Variants in ALPP observed in about 807,000 individuals in gnomAD.
The protein encoded by ALPP is alkaline phosphatase, placental type.
ALPP carries 39 observed loss-of-function variants against 50.7 expected under a neutral mutation model. That is an observed-to-expected ratio of 0.77 (90% confidence interval 0.60 to 1.00). The LOEUF (loss-of-function observed/expected upper bound fraction) is 1.00. Ranked by LOEUF, ALPP falls within the 50% of genes least tolerant of loss-of-function variation. The pLI is 0.00. For synonymous variants in ALPP, 226 were observed against 320.3 expected (o/e 0.71, Z 3.14); for missense variants, 550 against 746.8 (o/e 0.74, Z 3.07).
In ALPP at chr2:232,378,776, T is replaced by G. The variant is rs1696643929; in HGVS notation, c.-27T>G. 1 of 1,609,628 alleles carries G rather than the reference T, an allele frequency of 6.2e-7. No homozygotes were observed. The highest frequency in any genetic ancestry group is 1.7e-5 in the Admixed American group (1 of 59,614). On this transcript the variant is annotated 5_prime_UTR_variant, in exon 1 of 11. Coordinates refer to ENST00000392027, the MANE Select transcript of ALPP (RefSeq NM_001632.5). ...ATACTCCATGCCCAGAATTCCTGCC[T>G]CGCCACTGTCCTGCTGCCCTCCAGA... is the stretch of plus-strand genomic sequence containing the variant.
In ALPP at chr2:232,380,330, G is replaced by T. The variant is rs763339462; in HGVS notation, c.792+10G>T. The stretch of plus-strand genomic sequence containing the variant: ...GCTGGCGAAGCGCCAGGTGATGGGG[G>T]CTGGCGGGTGCAGGGGGCACAGCAG... On this transcript the variant is annotated intron_variant, in intron 6 of 10. Coordinates refer to ENST00000392027, the MANE Select transcript of ALPP (RefSeq NM_001632.5). 2 of 1,613,498 alleles carry T rather than the reference G, an allele frequency of 1.2e-6. No homozygotes were observed. The highest frequency in any genetic ancestry group is 2.2e-5 in the East Asian group (1 of 44,450).
Position 232,379,066 on chromosome 2 carries a change from C to T in ALPP, c.172C>T (p.Leu58Phe). 2 of 1,614,110 alleles carry T rather than the reference C, an allele frequency of 1.2e-6. No individual in the cohort carries two copies. The highest frequency in any genetic ancestry group is 1.1e-5 in the South Asian group (1 of 91,068). The stretch of plus-strand genomic sequence containing the variant: ...GCCTGCACAGACAGCCGCCAAGAAC[C>T]TCATCATCTTCCTGGGCGATGGTGA... ...LQPAQTAAKN[L>F]IIFLGDGMGV... Residue 58 changes from leucine (L) to phenylalanine (F), a missense_variant, in exon 2 of 11, where the codon CTC (leucine) becomes TTC (phenylalanine). Physicochemically the swap from Leu to Phe is conservative, Grantham distance 22. Transcript: ENST00000392027.
In ALPP at chr2:232,379,065, C is replaced by A; in HGVS notation, c.171C>A (p.Asn57Lys). 6.2e-7 allele frequency: 1 copy of A among 1,614,104 alleles called. No individual in the cohort carries two copies. Among genetic ancestry groups the A allele is most frequent in the East Asian group, 2.2e-5 (1 of 44,870 alleles). The change falls in exon 2 of 11, where the codon AAC (asparagine) becomes AAA (lysine). Residue 57 changes from asparagine to lysine, a missense_variant. By Grantham distance (94) the Asn-to-Lys change is moderately conservative (BLOSUM62 0). Coordinates refer to ENST00000392027, the MANE Select transcript of ALPP (RefSeq NM_001632.5). ...AGCCTGCACAGACAGCCGCCAAGAA[C>A]CTCATCATCTTCCTGGGCGATGGTG... ...KLQPAQTAAK[N>K]LIIFLGDGMG...
At position 232,381,619 on chromosome 2, in the gene ALPP, A is replaced by G. The variant is rs1696715537; in HGVS notation, c.1432A>G (p.Thr478Ala). 1 of 1,612,380 alleles carries G rather than the reference A, an allele frequency of 6.2e-7. No homozygotes were observed. Among genetic ancestry groups the G allele is most frequent in the Admixed American group, 1.7e-5 (1 of 59,910 alleles). ...CCTGGTTCACGGCGTGCAGGAGCAGACCTTCATAGCGCACGTCATGGCCTT... is the reference window on the plus strand; with the variant it reads ...CCTGGTTCACGGCGTGCAGGAGCAGGCCTTCATAGCGCACGTCATGGCCTT... Reference protein sequence around the residue: ...AHLVHGVQEQTFIAHVMAFAA... With the variant: ...AHLVHGVQEQAFIAHVMAFAA... Residue 478 changes from threonine (T) to alanine (A), a missense_variant, in exon 11 of 11, where the codon ACC (threonine) becomes GCC (alanine). By Grantham distance (58) the Thr-to-Ala change is moderately conservative. Transcript: ENST00000392027.
At position 232,379,944 on chromosome 2, in the gene ALPP, C is replaced by T. The variant is rs373387017; in HGVS notation, c.657+8C>T. 6.1e-5 allele frequency: 98 copies of T among 1,599,100 alleles called. No homozygotes were observed. The African/African-American group carries it at 1.0e-3, about 16-fold the overall frequency. ...TCCAACATGGACATTGACGTGCGAC[C>T]CCCAGGCCAAGGGCTGGGGCTGGGC... On this transcript the variant is annotated splice_region_variant and intron_variant, in intron 5 of 10. Transcript: ENST00000392027.
At chr2:232,381,459 G>A in intron 10 of ALPP, 38 bp from the exon 11 acceptor site, 1 of 1,612,538 alleles carries the variant, frequency 6.2e-7, no homozygotes, top group Non-Finnish European at 8.5e-7. Flanking sequence ...GCCTGGAACT[G>A]AATGAACCCT....
In ALPP at chr2:232,381,662, C is replaced by T; in HGVS notation, c.1475C>T (p.Pro492Leu). ...HVMAFAACLE[P>L]YTACDLAPPA... Reference sequence around the variant, plus strand: ...ATGGCCTTCGCCGCCTGCCTGGAGCCCTACACCGCCTGCGACCTGGCGCCC... The same window carrying T: ...ATGGCCTTCGCCGCCTGCCTGGAGCTCTACACCGCCTGCGACCTGGCGCCC... Residue 492 changes from proline (P) to leucine (L), a missense_variant, in exon 11 of 11, where the codon CCC becomes CTC. Pro to Leu is a moderately conservative substitution (Grantham distance 98, BLOSUM62 -3). This residue lies in a region of ALPP where 155 missense variants were observed against 167.6 expected (regional missense o/e 0.92). Transcript: ENST00000392027. The T allele has an allele frequency of 1.9e-6, 3 of 1,610,652 alleles. No homozygotes were observed. The highest frequency in any genetic ancestry group is 2.5e-6 in the Non-Finnish European group (3 of 1,178,976).
chr2:232,379,142 C>G, intron 2 of ALPP, 55 bp downstream of exon 2: 4 of 1,614,090 alleles, frequency 2.5e-6, no homozygotes, highest in South Asian at 1.1e-5. Flanking sequence ...GCGCCCGGAC[C>G]CTCAGTGGTT....
In ALPP at chr2:232,381,338, C is replaced by T. The variant is rs772299286; in HGVS notation, c.1280C>T (p.Ala427Val). Residue 427 changes from alanine (A) to valine (V), a missense_variant, in exon 10 of 11, where the codon GCC becomes GTC. Physicochemically the swap from Ala to Val is moderately conservative, Grantham distance 64 (BLOSUM62 0). This residue lies in a region of ALPP where 155 missense variants were observed against 167.6 expected (regional missense o/e 0.92). Transcript: ENST00000392027. ...CCAGGCTATGTGCTCAAGGACGGCG[C>T]CCGGCCGGATGTTACCGAGAGCGAG... ...NGPGYVLKDGARPDVTESESG... is the reference protein window; with the variant it reads ...NGPGYVLKDGVRPDVTESESG... The T allele has an allele frequency of 3.1e-6, 5 of 1,614,200 alleles. No homozygotes were observed. The South Asian group carries it at 3.3e-5, about 11-fold the overall frequency.
chr2:232,381,412 G>C, intron 10 of ALPP, 45 bp downstream of exon 10: 1 of 1,613,666 alleles, frequency 6.2e-7, no homozygotes, highest in Non-Finnish European at 8.5e-7. Flanking sequence ...AGGGTGCCAA[G>C]GATGGGGGGC....
At chr2:232,380,002 C>A in intron 5 of ALPP, 66 bp downstream of exon 5, 1 of 1,564,542 alleles carries the variant, frequency 6.4e-7, no homozygotes, top group Non-Finnish European at 8.7e-7. Context: ...CTAGCTCAGA[C>A]CCAGGCAACC....
chr2:232,381,771 G>C lies in ALPP; in HGVS notation c.1584G>C (p.Leu528=), dbSNP rs1471162626. The C allele has an allele frequency of 1.9e-6, 3 of 1,585,736 alleles. No homozygotes were observed. The highest frequency in any genetic ancestry group is 2.6e-6 in the Non-Finnish European group (3 of 1,170,320). ...LLPLLAGTLL[L]LETATAP is the part of the protein sequence containing the mutation. The stretch of plus-strand genomic sequence containing the variant: ...CTCTGCTGGCCGGGACCCTGCTGCT[G>C]CTGGAGACGGCCACTGCTCCCTGAG... Residue 528 remains leucine, a synonymous_variant, in exon 11 of 11, where the codon CTG becomes CTC. Transcript: ENST00000392027.
At chr2:232,381,205 T>G (rs1458057080) in intron 9 of ALPP, 46 bp from the exon 10 acceptor site, 3 of 1,609,520 alleles carry the variant, frequency 1.9e-6, no homozygotes, top group Admixed American at 3.3e-5. Flanking sequence ...TGGGAGACAC[T>G]CCACAGCTGT....
In ALPP at chr2:232,381,370, G is replaced by T; in HGVS notation, c.1309+3G>T. 12 of 1,614,170 alleles carry T rather than the reference G, an allele frequency of 7.4e-6. No individual in the cohort carries two copies. The highest frequency in any genetic ancestry group is 1.0e-5 in the Non-Finnish European group (12 of 1,180,032). ...GGATGTTACCGAGAGCGAGAGCGGTGAGTGCCGCGGGGTGGCCCCCTGAGG... is the reference window on the plus strand; with the variant it reads ...GGATGTTACCGAGAGCGAGAGCGGTTAGTGCCGCGGGGTGGCCCCCTGAGG... On this transcript the variant is annotated splice_donor_region_variant and intron_variant, in intron 10 of 10. Coordinates refer to ENST00000392027, the MANE Select transcript of ALPP (RefSeq NM_001632.5).
In ALPP at chr2:232,381,913, C is replaced by T. The variant is rs1487945827; in HGVS notation, c.*118C>T. 1.5e-5 allele frequency: 22 copies of T among 1,425,834 alleles called. No homozygotes were observed. The highest frequency in any genetic ancestry group is 1.9e-5 in the Non-Finnish European group (21 of 1,080,940). The allele number at this position is 1,425,834 out of a possible 1,614,324, so 88.3% of individuals were successfully genotyped here. A position where few individuals can be genotyped will look rare whatever the true frequency, so the allele number is the denominator to read the frequency against. ...ATCCCCGGAGTCCCTATACAGAGGT[C>T]CTGCCATGGAACCTTCCCCTCCCCG... On this transcript the variant is annotated 3_prime_UTR_variant, in exon 11 of 11. Coordinates refer to ENST00000392027, the MANE Select transcript of ALPP (RefSeq NM_001632.5).
Position 232,381,376 on chromosome 2 carries a change from C to G in ALPP, c.1309+9C>G, listed in dbSNP as rs754838294. 1 of 1,614,090 alleles carries G rather than the reference C, an allele frequency of 6.2e-7. No individual in the cohort carries two copies. The highest frequency in any genetic ancestry group is 1.7e-5 in the Admixed American group (1 of 60,020). On this transcript the variant is annotated intron_variant, in intron 10 of 10. Coordinates refer to ENST00000392027, the MANE Select transcript of ALPP (RefSeq NM_001632.5). ...TACCGAGAGCGAGAGCGGTGAGTGC[C>G]GCGGGGTGGCCCCCTGAGGGGGACC... is the stretch of plus-strand genomic sequence containing the variant.
At position 232,379,865 on chromosome 2, in the gene ALPP, G is replaced by A. The variant is rs148017705; in HGVS notation, c.586G>A (p.Val196Met). The A allele has an allele frequency of 2.5e-4, 404 of 1,613,312 alleles. No individual in the cohort carries two copies. Among genetic ancestry groups the A allele is most frequent in the Non-Finnish European group, 3.2e-4 (380 of 1,179,908 alleles). The change falls in exon 5 of 11, where the codon GTG (valine) becomes ATG (methionine). Residue 196 changes from valine to methionine, a missense_variant. Physicochemically the swap from Val to Met is conservative, Grantham distance 21 (BLOSUM62 1). Coordinates refer to ENST00000392027, the MANE Select transcript of ALPP (RefSeq NM_001632.5). ...CCGCAACTGGTACTCGGACGCCGAC[G>A]TGCCTGCCTCCGCCCGCCAGGAGGG... ...VNRNWYSDADVPASARQEGCQ... is the reference protein window; with the variant it reads ...VNRNWYSDADMPASARQEGCQ...
At position 232,378,963 on chromosome 2, in the gene ALPP, C is replaced by A. The variant is rs754220331; in HGVS notation, c.77-8C>A. ...GGCTGACCTGATTTTTGCTCTCCCC[C>A]TGGCCAGTTGAGGAGGAGAACCCGG... On this transcript the variant is annotated splice_region_variant and splice_polypyrimidine_tract_variant and intron_variant, in intron 1 of 10. Coordinates refer to ENST00000392027, the MANE Select transcript of ALPP (RefSeq NM_001632.5). 3 of 1,614,016 alleles carry A rather than the reference C, an allele frequency of 1.9e-6. No homozygotes were observed. The highest frequency in any genetic ancestry group is 2.7e-5 in the African/African-American group (2 of 74,898).
At chr2:232,380,132 G>C (rs1254315359) in intron 5 of ALPP, 54 bp from the exon 6 acceptor site, 80 of 1,612,720 alleles carry the variant, frequency 5.0e-5, no homozygotes, top group Non-Finnish European at 6.2e-5. Flanking sequence ...CATGAGGAGG[G>C]GGCACGGGGC....
Sources: gnomAD v4.1 joint callset for allele counts on GRCh38, gnomAD v4.1.1 for gene constraint, gnomAD v4.1.1 regional missense constraint, MANE v1.5 for transcripts, NCBI Gene and HGNC (gene_info 2026-07-23, HGNC 2026-07-21) for gene names.